DCLK1: variants seen among roughly 807,000 people sequenced by gnomAD.
The protein encoded by DCLK1 is serine/threonine-protein kinase DCLK1.
A neutral mutation model predicts 86.2 loss-of-function variants in DCLK1; 16 were observed. That is an observed-to-expected ratio of 0.19 (90% CI 0.13 to 0.28). The LOEUF (loss-of-function observed/expected upper bound fraction) is 0.28, where lower values mean the gene tolerates loss of function less well. DCLK1 is among the 10% of genes least tolerant of loss of function. The pLI is 1.00. For missense variants in DCLK1, 590 were observed against 940.2 expected (o/e 0.63, Z 4.87); for synonymous variants, 369 against 370.5 (o/e 1.00, Z 0.05).
intron 2 of DCLK1, among the ~76,000 whole-genome samples, chr13:36,122,577 C>T (rs1004031974): frequency 6.6e-6 from 1 of 152,144 alleles, no homozygotes; most frequent in African/African-American, 2.4e-5. Flanking sequence ...CTTTATTTAT[C>T]ATCACAACAT....
intron 16 of DCLK1, among the ~76,000 whole-genome samples, chr13:35,787,504 C>T (rs990706646): frequency 6.6e-6 from 1 of 151,998 alleles, no homozygotes; most frequent in African/African-American, 2.4e-5. Flanking sequence ...GAATTCTTAA[C>T]CCAGTTTTAA....
chr13:36,037,809 T>C (rs1167048836), intron 3 of DCLK1, among the ~76,000 whole-genome samples: 2 of 152,128 alleles, frequency 1.3e-5, no homozygotes, highest in Non-Finnish European at 2.9e-5. Context: ...TTACACATTA[T>C]ATGAATTTAT....
intron 16 of DCLK1, among the ~76,000 whole-genome samples, chr13:35,777,070 C>G (rs928171378): frequency 6.6e-6 from 1 of 152,214 alleles, no homozygotes; most frequent in Non-Finnish European, 1.5e-5. Flanking sequence ...TTGAAGTAGT[C>G]AGTTCTGGCC....
At chr13:35,833,750 T>A (rs1229994246) in intron 8 of DCLK1, among the ~76,000 whole-genome samples, 10 of 152,202 alleles carry the variant, frequency 6.6e-5, no homozygotes, top group South Asian at 2.1e-4. Flanking sequence ...ACAACATTCT[T>A]AGCTCGCTTT....
chr13:36,030,357 C>T (rs1234289533), intron 3 of DCLK1, among the ~76,000 whole-genome samples: 1 of 151,960 alleles, frequency 6.6e-6, no homozygotes, highest in Non-Finnish European at 1.5e-5. Flanking sequence ...AGTGCAGTGG[C>T]ACGATCTTGG....
chr13:36,092,964 T>TC (rs1294583836), intron 3 of DCLK1, among the ~76,000 whole-genome samples: 1 of 121,402 alleles, frequency 8.2e-6, no homozygotes, highest in African/African-American at 2.9e-5. Flanking sequence ...ATAAGACAAG[T>TC]CAAAAAAAAA....
intron 3 of DCLK1, among the ~76,000 whole-genome samples, chr13:35,957,615 C>G (rs772597455): frequency 6.6e-6 from 1 of 152,054 alleles, no homozygotes; most frequent in Non-Finnish European, 1.5e-5. Flanking sequence ...AATCACTTTG[C>G]CTGGTATGTT....
At chr13:35,932,285 A>G (rs1876486837) in intron 4 of DCLK1, among the ~76,000 whole-genome samples, 1 of 152,208 alleles carries the variant, frequency 6.6e-6, no homozygotes, top group Non-Finnish European at 1.5e-5. Context: ...TCCAGGTCTC[A>G]GGTCCTTATT....
intron 3 of DCLK1, among the ~76,000 whole-genome samples, chr13:35,991,737 G>A (rs548946544): frequency 6.6e-6 from 1 of 152,176 alleles, no homozygotes; most frequent in South Asian, 2.1e-4. Flanking sequence ...TTGTTATAGG[G>A]GCCTCAGCTG....
At chr13:35,974,310 A>G (rs1879216789) in intron 3 of DCLK1, among the ~76,000 whole-genome samples, 1 of 152,144 alleles carries the variant, frequency 6.6e-6, no homozygotes, top group South Asian at 2.1e-4. Flanking sequence ...GTGGGATGTA[A>G]TCTGATCTTG....
intron 3 of DCLK1, among the ~76,000 whole-genome samples, chr13:35,991,507 A>G (rs554733350): frequency 1.3e-5 from 2 of 151,938 alleles, no homozygotes; most frequent in African/African-American, 4.8e-5. Context: ...TGAAAAATTT[A>G]AAAAATTAGC....
intron 4 of DCLK1, among the ~76,000 whole-genome samples, chr13:35,927,438 G>A (rs1876185705): frequency 6.6e-6 from 1 of 152,152 alleles, no homozygotes. Context: ...TAGTCATTTT[G>A]CCTTTCTCTG....
At chr13:36,069,571 G>A (rs1883890525) in intron 3 of DCLK1, among the ~76,000 whole-genome samples, 1 of 152,056 alleles carries the variant, frequency 6.6e-6, no homozygotes, top group Non-Finnish European at 1.5e-5. Flanking sequence ...CTATATTCAT[G>A]GTATGTTTCC....
chr13:36,014,062 C>T (rs530357428), intron 3 of DCLK1, among the ~76,000 whole-genome samples: 84 of 152,336 alleles, frequency 5.5e-4, no homozygotes, highest in Non-Finnish European at 7.1e-4. Flanking sequence ...CGCCCTGCTT[C>T]GGCTCGCGCA....
At chr13:35,899,352 T>TGA in intron 4 of DCLK1, among the ~76,000 whole-genome samples, 1 of 90,932 alleles carries the variant, frequency 1.1e-5, no homozygotes, top group South Asian at 4.7e-4. Flanking sequence ...TGTGTGTGTG[T>TGA]GTGTGTGTGT....
At chr13:36,126,301 C>T (rs1886186399) in intron 1 of DCLK1, 145 bp from the exon 2 acceptor site, 2 of 581,114 alleles carry the variant, frequency 3.4e-6, no homozygotes, top group Non-Finnish European at 5.3e-6. Context: ...CACTGAAGTA[C>T]TCACTGAAGC....
intron 3 of DCLK1, among the ~76,000 whole-genome samples, chr13:36,003,925 TTAAA>T (rs1465173080): frequency 6.6e-6 from 1 of 152,206 alleles, no homozygotes; most frequent in Non-Finnish European, 1.5e-5. Flanking sequence ...AGTTTTCTTA[TTAAA>T]GAAAGAGCAA....
At chr13:35,940,808 C>T (rs555982208) in intron 4 of DCLK1, among the ~76,000 whole-genome samples, 2 of 152,320 alleles carry the variant, frequency 1.3e-5, no homozygotes, top group South Asian at 4.1e-4. Context: ...GTAGTAATCG[C>T]TTTCTGGTTC....
intron 6 of DCLK1, chr13:35,849,206 T>A (rs1870429879): frequency 1.0e-6 from 1 of 985,300 alleles, no homozygotes; most frequent in Non-Finnish European, 1.2e-6. Context: ...TAAAGTGAGA[T>A]GGTAACATAC....
Sources: allele counts gnomAD v4.1 joint callset (sites outside exome capture counted in the v4.1 genomes callset), GRCh38; gene constraint gnomAD v4.1.1; transcripts MANE v1.5; gene names NCBI Gene and HGNC (gene_info 2026-07-23, HGNC 2026-07-21).